Variants in EXOSC7 observed in about 807,000 individuals in gnomAD.
The protein encoded by EXOSC7 is exosome component 7.
In EXOSC7, 25 loss-of-function variants were observed where a neutral mutation model predicts 34.3. The ratio of observed to expected loss-of-function variants is 0.73; its 90% confidence interval spans 0.53 to 1.02. The LOEUF (loss-of-function observed/expected upper bound fraction) is 1.02. Among genes scored for constraint, EXOSC7 ranks in the 50% least tolerant of loss-of-function variants. The pLI is 0.00. For synonymous variants in EXOSC7, 130 were observed against 143.0 expected (o/e 0.91, Z 0.65); for missense variants, 370 against 368.5 (o/e 1.00, Z -0.03).
At position 45,007,432 on chromosome 3, in the gene EXOSC7, C is replaced by T; in HGVS notation, c.628C>T (p.His210Tyr). ...IVTLCKIGYR[H>Y]VVDATLQEEA... ...CCTGCCTTTGCAGATTGGCTATCGG[C>T]ATGTGGTGGATGCTACTCTTCAGGA... The change falls in exon 7 of 8, where the codon CAT becomes TAT. Residue 210 changes from histidine (H) to tyrosine (Y), a missense_variant. By Grantham distance (83) the His-to-Tyr change is moderately conservative (BLOSUM62 2). This residue lies in a region of EXOSC7 where 255 missense variants were observed against 246.4 expected (regional missense o/e 1.03). Coordinates refer to ENST00000265564, the MANE Select transcript of EXOSC7 (RefSeq NM_015004.4). The T allele has an allele frequency of 1.2e-6, 2 of 1,614,116 alleles. No individual in the cohort carries two copies. Among genetic ancestry groups the T allele is most frequent in the Admixed American group, 1.7e-5 (1 of 60,020 alleles).
intron 1 of EXOSC7, among the ~76,000 whole-genome samples, chr3:44,982,493 C>G (rs1258653437): frequency 2.0e-5 from 3 of 152,206 alleles, no homozygotes; most frequent in Non-Finnish European, 4.4e-5. Flanking sequence ...CCACAGGGCT[C>G]TTGGAACCCT....
In EXOSC7 at chr3:45,007,541, GC is replaced by G; in HGVS notation, c.739del (p.Leu247TrpfsTer9). ...TGCATGAGGAAAGTGGGGAAGGGCA[GC>G]CTGGACCCAGAGAGCATCTTCGAGA... ...VTCMRKVGKGSLDPESIFEMM... is the reference protein window; with the variant it reads ...VTCMRKVGKGXLDPESIFEMM... On this transcript the variant is annotated frameshift_variant, in exon 7 of 8. Coordinates refer to ENST00000265564, the MANE Select transcript of EXOSC7 (RefSeq NM_015004.4). LOFTEE classifies it high-confidence loss of function. 6.2e-7 allele frequency: 1 copy of G among 1,613,070 alleles called. No homozygotes were observed. Among genetic ancestry groups the G allele is most frequent in the Non-Finnish European group, 8.5e-7 (1 of 1,179,450 alleles).
At chr3:44,987,401 A>G (rs1467067726) in intron 1 of EXOSC7, among the ~76,000 whole-genome samples, 1 of 152,232 alleles carries the variant, frequency 6.6e-6, no homozygotes, top group Non-Finnish European at 1.5e-5. Context: ...CCCAAAATGG[A>G]AAACAAAAAT....
intron 3 of EXOSC7, among the ~76,000 whole-genome samples, chr3:44,996,017 T>C (rs542509207): frequency 1.3e-5 from 2 of 152,172 alleles, no homozygotes; most frequent in Non-Finnish European, 2.9e-5. Flanking sequence ...CTCCCGCTTC[T>C]ACCTCACTGT....
At chr3:44,998,706 C>CAATTATCTAGCAG (rs1217436819) in intron 4 of EXOSC7, among the ~76,000 whole-genome samples, 1 of 152,194 alleles carries the variant, frequency 6.6e-6, no homozygotes, top group Non-Finnish European at 1.5e-5. Flanking sequence ...TAGCAGGTTA[C>CAATTATCTAGCAG]TGTTGCAATG....
intron 4 of EXOSC7, among the ~76,000 whole-genome samples, 190 bp from the exon 5 acceptor site, chr3:45,001,348 T>A (rs1363489262): frequency 6.6e-6 from 1 of 151,234 alleles, no homozygotes; most frequent in Non-Finnish European, 1.5e-5. Flanking sequence ...GAGGCTGAGG[T>A]GGGAGAATTA....
chr3:44,978,398 G>A (rs1002697881), intron 1 of EXOSC7, among the ~76,000 whole-genome samples: 1 of 152,068 alleles, frequency 6.6e-6, no homozygotes, highest in African/African-American at 2.4e-5. Context: ...CCATGTCAAG[G>A]ATTCCTCCTC....
At chr3:44,989,063 G>C in intron 1 of EXOSC7, 77 bp from the exon 2 acceptor site, 2 of 944,002 alleles carry the variant, frequency 2.1e-6, no homozygotes, top group Non-Finnish European at 3.4e-6. Context: ...ATCTTCTCTA[G>C]GGGGAAAATG....
intron 4 of EXOSC7, 137 bp downstream of exon 4, chr3:44,997,389 G>T: frequency 1.5e-6 from 1 of 654,168 alleles, no homozygotes; most frequent in Non-Finnish European, 2.5e-6. Flanking sequence ...GGAAAAGATG[G>T]TCTCCTATAA....
chr3:44,979,944 T>TG (rs200252677), intron 1 of EXOSC7, among the ~76,000 whole-genome samples: 2,144 of 151,632 alleles, frequency 0.014, 37 homozygotes, highest in African/African-American at 0.042. Context: ...TAGAGCAGTA[T>TG]GGGGGGGGTT....
At chr3:45,012,630 A>C (rs1441677111), downstream of EXOSC7, 1 of 152,058 alleles carries the variant, frequency 6.6e-6, no homozygotes, top group Non-Finnish European at 1.5e-5. Flanking sequence ...CAGAGATGCA[A>C]CTCGAGTGTG....
chr3:44,995,199 T>C (rs549283866), intron 3 of EXOSC7, among the ~76,000 whole-genome samples: 39 of 152,198 alleles, frequency 2.6e-4, no homozygotes, highest in Non-Finnish European at 3.8e-4. Flanking sequence ...GTCAGGCTGG[T>C]CTCGAACCCC....
At chr3:44,997,378 G>A in intron 4 of EXOSC7, 126 bp downstream of exon 4, 2 of 718,650 alleles carry the variant, frequency 2.8e-6, no homozygotes, top group South Asian at 2.9e-5. Context: ...GGGATTAGTT[G>A]GGAAAAGATG....
intron 3 of EXOSC7, among the ~76,000 whole-genome samples, chr3:44,995,988 T>C (rs916003752): frequency 6.6e-6 from 1 of 152,146 alleles, no homozygotes; most frequent in Admixed American, 6.5e-5. Context: ...GAATGCTAAT[T>C]GACACTCCTG....
At position 45,008,670 on chromosome 3, in the gene EXOSC7, A is replaced by G. The variant is rs1275808425; in HGVS notation, c.771+1095A>G. ...ATGTCACAGTGCCTGATATGTCATC[A>G]GTTCTCAGCTAATGGCAGCTCTTAT... On this transcript the variant is annotated intron_variant, in intron 7 of 7. Transcript: ENST00000265564. 3.3e-5 allele frequency among the ~76,000 whole-genome samples: 5 copies of G among 152,364 alleles called. No homozygotes were observed. In the East Asian group the frequency reaches 9.6e-4, roughly 29 times the overall value.
chr3:44,983,091 C>A (rs996881890), intron 1 of EXOSC7, among the ~76,000 whole-genome samples: 2 of 152,134 alleles, frequency 1.3e-5, no homozygotes, highest in African/African-American at 4.8e-5. Flanking sequence ...AGTCTAAAGT[C>A]CTTCCAGATG....
intron 7 of EXOSC7, 80 bp downstream of exon 7, chr3:45,007,655 G>T: frequency 7.1e-7 from 1 of 1,411,136 alleles, no homozygotes. Flanking sequence ...CATACCGTGG[G>T]GATTCTCCCC....
At chr3:44,995,434 A>G (rs944731319) in intron 3 of EXOSC7, among the ~76,000 whole-genome samples, 12 of 152,374 alleles carry the variant, frequency 7.9e-5, no homozygotes, top group Non-Finnish European at 1.0e-4. Context: ...ATTCAGGGAA[A>G]GGTAAACATT....
intron 1 of EXOSC7, among the ~76,000 whole-genome samples, chr3:44,987,553 G>A (rs1346361750): frequency 6.6e-6 from 1 of 152,178 alleles, no homozygotes; most frequent in Admixed American, 6.5e-5. Flanking sequence ...GGGCGACAGA[G>A]CCATAGTCTA....
Sources: gnomAD v4.1 joint callset for allele counts (sites outside exome capture counted in the v4.1 genomes callset) on GRCh38, gnomAD v4.1.1 for gene constraint, gnomAD v4.1.1 regional missense constraint, MANE v1.5 for transcripts, NCBI Gene and HGNC (gene_info 2026-07-23, HGNC 2026-07-21) for gene names.